The following CHST8 variants were observed in gnomAD, a reference collection of about 807,000 sequenced individuals.
CHST8 encodes GALNAC-4-ST1.
CHST8 carries 10 observed loss-of-function variants against 15.0 expected under a neutral mutation model. The ratio of observed to expected loss-of-function variants is 0.67; its 90% CI spans 0.41 to 1.13. CHST8 has a LOEUF of 1.13. CHST8 is among the 50% of genes most tolerant of loss of function. The pLI is 0.00. For missense variants in CHST8, 634 were observed against 608.2 expected, an observed-to-expected ratio of 1.04 and a Z score of -0.45; for synonymous variants, 259 against 256.6, an observed-to-expected ratio of 1.01 and a Z score of -0.09.
intron 1 of CHST8, among the ~76,000 whole-genome samples, chr19:33,643,432 C>T (rs185638752): frequency 2.8e-3 from 419 of 152,354 alleles, no homozygotes; most frequent in African/African-American, 9.4e-3. Context: ...CTCCTGAGCC[C>T]GTGTTCTGGA....
At chr19:33,658,342 A>G (rs1972540646) in intron 1 of CHST8, among the ~76,000 whole-genome samples, 1 of 152,232 alleles carries the variant, frequency 6.6e-6, no homozygotes, top group African/African-American at 2.4e-5. Flanking sequence ...TCCGTCCCAA[A>G]AAAACCCATA....
intron 3 of CHST8, among the ~76,000 whole-genome samples, chr19:33,692,382 G>C (rs1306045413): frequency 6.6e-6 from 1 of 152,144 alleles, no homozygotes; most frequent in East Asian, 1.9e-4. Flanking sequence ...AAGACTTGGA[G>C]ACCAGGCCAG....
Position 33,773,241 on chromosome 19 carries a change from G to C in CHST8, c.*178G>C, listed in dbSNP as rs1975051021. ...GCAGAGGCGCCCAGCCTTGGATGGG[G>C]ACCCCAGCCCCTGGCCTGTACCTGT... On this transcript the variant is annotated 3_prime_UTR_variant, in exon 5 of 5. Transcript: ENST00000650847. 3.2e-5 allele frequency: 22 copies of C among 680,192 alleles called. No individual in the cohort carries two copies. The South Asian group carries it at 4.1e-4, about 13-fold the overall frequency. The allele number at this position is 680,192 out of a possible 1,614,324, so 42.1% of individuals were successfully genotyped here.
intron 2 of CHST8, among the ~76,000 whole-genome samples, chr19:33,676,292 C>T (rs535069363): frequency 3.3e-5 from 5 of 152,194 alleles, no homozygotes; most frequent in African/African-American, 1.2e-4. Context: ...ATTTTGGGTC[C>T]AGTGCAGTGG....
chr19:33,654,588 C>G (rs1972486792), intron 1 of CHST8, among the ~76,000 whole-genome samples: 1 of 152,016 alleles, frequency 6.6e-6, no homozygotes, highest in Non-Finnish European at 1.5e-5. Flanking sequence ...CCTACTATTT[C>G]TAGCTCCATA....
chr19:33,720,369 T>G (rs1349500377), intron 3 of CHST8, among the ~76,000 whole-genome samples: 2 of 148,262 alleles, frequency 1.3e-5, no homozygotes, highest in East Asian at 4.0e-4. Flanking sequence ...GCATCACACA[T>G]ACCCCACATA....
At chr19:33,765,093 C>T (rs1304461801) in intron 3 of CHST8, among the ~76,000 whole-genome samples, 16 of 106,096 alleles carry the variant, frequency 1.5e-4, no homozygotes, top group Non-Finnish European at 3.1e-4. Context: ...TTTATCCACT[C>T]GTTGATTGAT....
chr19:33,672,831 AAG>A (rs1376519264), intron 2 of CHST8, among the ~76,000 whole-genome samples: 1 of 152,190 alleles, frequency 6.6e-6, no homozygotes, highest in Admixed American at 6.5e-5. Context: ...GAGAGGAAGA[AAG>A]AGAAATGACA....
chr19:33,735,479 C>T (rs902045300), intron 3 of CHST8, among the ~76,000 whole-genome samples: 1 of 152,212 alleles, frequency 6.6e-6, no homozygotes, highest in Non-Finnish European at 1.5e-5. Context: ...GGTTCTGACA[C>T]ACAGACACAC....
intron 1 of CHST8, among the ~76,000 whole-genome samples, chr19:33,661,552 T>C (rs1972584838): frequency 6.6e-6 from 1 of 152,138 alleles, no homozygotes; most frequent in South Asian, 2.1e-4. Context: ...GGTGGTGGCC[T>C]AGCCCCCCAT....
chr19:33,746,626 C>T (rs968472380), intron 3 of CHST8, among the ~76,000 whole-genome samples: 2 of 152,196 alleles, frequency 1.3e-5, no homozygotes, highest in Admixed American at 6.5e-5. Flanking sequence ...AGTTTCCTGA[C>T]ACAGCATACC....
intron 3 of CHST8, among the ~76,000 whole-genome samples, chr19:33,748,113 C>T (rs1974347799): frequency 6.6e-6 from 1 of 152,332 alleles, no homozygotes; most frequent in Non-Finnish European, 1.5e-5. Flanking sequence ...CCGCCTGCCA[C>T]TCACCCAAAG....
intron 2 of CHST8, among the ~76,000 whole-genome samples, chr19:33,682,408 CT>C (rs148636803): frequency 0.031 from 4,688 of 152,170 alleles, 220 homozygotes; most frequent in African/African-American, 0.1. Context: ...CTCCTGACCT[CT>C]AGTGATGCAC....
intron 2 of CHST8, among the ~76,000 whole-genome samples, chr19:33,688,278 G>A (rs1359866173): frequency 6.6e-6 from 1 of 152,246 alleles, no homozygotes; most frequent in African/African-American, 2.4e-5. Flanking sequence ...GTGACTGGCT[G>A]GTATGTGGGG....
Position 33,759,725 on chromosome 19 carries a change from G to T in CHST8, c.131-11688G>T, listed in dbSNP as rs115001215. 8.2e-3 allele frequency among the ~76,000 whole-genome samples: 1,253 copies of T among 152,288 alleles called. 15 individuals are homozygous for T. Among genetic ancestry groups the T allele is most frequent in the African/African-American group, 0.028 (1,171 of 41,556 alleles). ...AGTCCACAGGGATCTGTCCTCCTGC[G>T]CAGGGAATAGCATCAGCATTCACCA... On this transcript the variant is annotated intron_variant, in intron 3 of 4. Coordinates refer to ENST00000650847, the MANE Select transcript of CHST8 (RefSeq NM_001127895.2).
In CHST8 at chr19:33,661,144, AAAAAT is replaced by A. The variant is rs547333352; in HGVS notation, c.-163-6609_-163-6605del. On this transcript the variant is annotated intron_variant, in intron 1 of 4. Transcript: ENST00000650847. ...GGAGTTCAGAAGACCCTGTCTCTACAAAAATAAAATAAAATAAATGAGCTGGGTGT... is the reference window on the plus strand; with the variant it reads ...GGAGTTCAGAAGACCCTGTCTCTACAAAAATAAAATAAATGAGCTGGGTGT... 2.8e-3 allele frequency among the ~76,000 whole-genome samples: 428 copies of A among 152,276 alleles called. 1 individual carries two copies. Among genetic ancestry groups the A allele is most frequent in the Non-Finnish European group, 4.4e-3 (296 of 68,018 alleles).
chr19:33,694,093 C>CAT (rs3040787), intron 3 of CHST8, among the ~76,000 whole-genome samples: 1,342 of 31,166 alleles, frequency 0.043, 147 homozygotes, highest in Non-Finnish European at 0.053. Flanking sequence ...GTAGTTTATT[C>CAT]ATATATATAT....
rs200783003 is a variant in CHST8 at position 33,689,403 on chromosome 19, C to A, written c.130+12C>A. On this transcript the variant is annotated intron_variant, in intron 3 of 4. Coordinates refer to ENST00000650847, the MANE Select transcript of CHST8 (RefSeq NM_001127895.2). ...CCAGCAGGTGCCAGGTGAGTCCTTG[C>A]GCTGAGTCCTGCCATCACTGCCCCC... 1.9e-6 allele frequency: 3 copies of A among 1,573,144 alleles called. No individual in the cohort carries two copies. The highest frequency in any genetic ancestry group is 2.3e-5 in the South Asian group (2 of 85,970).
At chr19:33,740,237 G>T (rs1465841479) in intron 3 of CHST8, among the ~76,000 whole-genome samples, 4 of 152,122 alleles carry the variant, frequency 2.6e-5, no homozygotes, top group African/African-American at 9.7e-5. Context: ...GGGTTGTGGT[G>T]TTTCTTTGTG....
Sources: allele counts gnomAD v4.1 joint callset (sites outside exome capture counted in the v4.1 genomes callset), GRCh38; gene constraint gnomAD v4.1.1; transcripts MANE v1.5; gene names NCBI Gene and HGNC (gene_info 2026-07-23, HGNC 2026-07-21).